Variants in SINHCAF observed in about 807,000 individuals in gnomAD.
The protein encoded by SINHCAF is SIN3-HDAC complex associated factor, also known as SIN3-HDAC complex-associated factor.
Under a neutral mutation model 25.8 loss-of-function variants are expected in SINHCAF, and 3 were observed. The observed-to-expected ratio is 0.12, with a 90% CI of 0.05 to 0.30. The LOEUF is 0.30. Among genes scored for constraint, SINHCAF ranks in the 10% least tolerant of loss-of-function variants. The probability of loss-of-function intolerance (pLI) is 1.00; values close to 1 mark genes in which losing one functional copy is unlikely to be tolerated. For missense variants in SINHCAF, 121 were observed against 262.3 expected, an observed-to-expected ratio of 0.46 and a Z score of 3.72; for synonymous variants, 70 against 85.5, an observed-to-expected ratio of 0.82 and a Z score of 1.00.
intron 4 of SINHCAF, among the ~76,000 whole-genome samples, chr12:31,291,002 A>C (rs1938288235): frequency 6.6e-6 from 1 of 152,202 alleles, no homozygotes; most frequent in Non-Finnish European, 1.5e-5. Context: ...TAGAGGTGTA[A>C]GCCTCCATGC....
intron 1 of SINHCAF, among the ~76,000 whole-genome samples, chr12:31,298,983 C>T (rs1938661723): frequency 6.6e-6 from 1 of 151,228 alleles, no homozygotes; most frequent in South Asian, 2.1e-4. Flanking sequence ...AGAGTAGTAA[C>T]AGTGGGAGGC....
intron 1 of SINHCAF, among the ~76,000 whole-genome samples, chr12:31,316,409 G>A (rs542773206): frequency 7.9e-5 from 12 of 152,136 alleles, no homozygotes; most frequent in African/African-American, 2.9e-4. Flanking sequence ...TAAAGCTGTG[G>A]GTTTCATATA....
At chr12:31,313,946 C>T (rs781165785) in intron 1 of SINHCAF, among the ~76,000 whole-genome samples, 3 of 152,032 alleles carry the variant, frequency 2.0e-5, no homozygotes, top group Non-Finnish European at 2.9e-5. Context: ...TGAGCCACCA[C>T]GCCCGGCCAA....
chr12:31,316,595 AC>A (rs1939504359), intron 1 of SINHCAF, among the ~76,000 whole-genome samples: 1 of 152,236 alleles, frequency 6.6e-6, no homozygotes, highest in Non-Finnish European at 1.5e-5. Flanking sequence ...ATCTAATTAA[AC>A]ACATAAGTTT....
intron 1 of SINHCAF, among the ~76,000 whole-genome samples, chr12:31,301,756 C>CA (rs147217124): frequency 0.02 from 2,857 of 143,740 alleles, 90 homozygotes; most frequent in African/African-American, 0.062. Context: ...AAAAAAACAA[C>CA]AAAAAAAAAA....
intron 2 of SINHCAF, among the ~76,000 whole-genome samples, chr12:31,295,979 G>A (rs952594430): frequency 2.0e-5 from 3 of 151,676 alleles, no homozygotes; most frequent in Admixed American, 6.6e-5. Context: ...GCAGGAGTTC[G>A]AGACCAGCCT....
chr12:31,302,438 A>G (rs986062670), intron 1 of SINHCAF, among the ~76,000 whole-genome samples: 2 of 150,586 alleles, frequency 1.3e-5, no homozygotes, highest in African/African-American at 4.9e-5. Flanking sequence ...ACTTGTCTTT[A>G]TCATCTTTGT....
Position 31,317,844 on chromosome 12 carries a change from G to A in SINHCAF, c.-21+8180C>T, listed in dbSNP as rs371145628. On this transcript the variant is annotated intron_variant, in intron 1 of 5. Transcript: ENST00000337682. ...AGGAAACTGCAGACAGGAGACAAGC[G>A]AAAGATTTGTAAAGTGGGAAGGAAG... Among the ~76,000 whole-genome samples, 106 of 152,216 alleles carry A rather than the reference G, an allele frequency of 7.0e-4. 1 individual carries two copies. The highest frequency in any genetic ancestry group is 9.3e-4 in the Non-Finnish European group (63 of 68,014).
Position 31,325,483 on chromosome 12 carries a change from G to C in SINHCAF, c.-21+541C>G. ...GGAAGCGGATGGCAACTTAGTTTCCGAGCGAATGGCGTTTATTGTCCACCC... is the reference window on the plus strand; with the variant it reads ...GGAAGCGGATGGCAACTTAGTTTCCCAGCGAATGGCGTTTATTGTCCACCC... On this transcript the variant is annotated intron_variant, in intron 1 of 5. Transcript: ENST00000337682. The surrounding 1 kb of genome is among the most constrained non-coding windows in gnomAD (Gnocchi z 5.9). The C allele has an allele frequency of 2.9e-6, 1 of 345,724 alleles. No homozygotes were observed. The highest frequency in any genetic ancestry group is 5.7e-6 in the Non-Finnish European group (1 of 173,928). The allele number at this position is 345,724 out of a possible 1,614,324, so 21.4% of individuals were successfully genotyped here. A position where few individuals can be genotyped will look rare whatever the true frequency, so the allele number is the denominator to read the frequency against.
chr12:31,305,638 T>G (rs947117008), intron 1 of SINHCAF, among the ~76,000 whole-genome samples: 6 of 152,034 alleles, frequency 3.9e-5, no homozygotes, highest in Admixed American at 3.3e-4. Flanking sequence ...TGTTCCATTC[T>G]ACCAATCCAG....
At chr12:31,313,027 C>A (rs1438248463) in intron 1 of SINHCAF, among the ~76,000 whole-genome samples, 1 of 152,030 alleles carries the variant, frequency 6.6e-6, no homozygotes, top group Non-Finnish European at 1.5e-5. Flanking sequence ...AAAGATCACT[C>A]TTTTCTTTTT....
rs568064368 is a variant in SINHCAF at position 31,299,322 on chromosome 12, T to TATTA, written c.-20-1099_-20-1098insTAAT. Among the ~76,000 whole-genome samples the TATTA allele has an allele frequency of 2.7e-3, 407 of 148,736 alleles. 1 individual carries two copies. Among genetic ancestry groups the TATTA allele is most frequent in the African/African-American group, 9.5e-3 (381 of 40,308 alleles). Reference sequence around the variant, plus strand: ...TAAAGCAACAATAAAAGAAAAAAATTTTTTTTTTTTTGGAGACAGAGTCTC... The same window carrying TATTA: ...TAAAGCAACAATAAAAGAAAAAAATTATTATTTTTTTTTTTGGAGACAGAGTCTC... On this transcript the variant is annotated intron_variant, in intron 1 of 5. Coordinates refer to ENST00000337682, the MANE Select transcript of SINHCAF (RefSeq NM_001135812.2).
intron 5 of SINHCAF, among the ~76,000 whole-genome samples, chr12:31,283,341 A>C (rs1418080455): frequency 6.6e-6 from 1 of 152,074 alleles, no homozygotes; most frequent in Non-Finnish European, 1.5e-5. Flanking sequence ...GGTGGCTTAC[A>C]CCTGTAATCC....
intron 1 of SINHCAF, among the ~76,000 whole-genome samples, chr12:31,323,630 C>T (rs1031670312): frequency 1.3e-5 from 2 of 152,280 alleles, no homozygotes; most frequent in African/African-American, 4.8e-5. Context: ...ACAAACTGCA[C>T]CGCCCTACCA....
At position 31,316,714 on chromosome 12, in the gene SINHCAF, C is replaced by A. The variant is rs143501490; in HGVS notation, c.-21+9310G>T. Among the ~76,000 whole-genome samples the A allele has an allele frequency of 6.0e-3, 921 of 152,266 alleles. 13 individuals carry two copies. Among genetic ancestry groups the A allele is most frequent in the African/African-American group, 0.021 (874 of 41,556 alleles). ...TCTGATAAATAAGATTAAAGATTAT[C>A]TCTTATAAATCTCAGCAATACTAAA... On this transcript the variant is annotated intron_variant, in intron 1 of 5. Transcript: ENST00000337682.
At chr12:31,301,628 G>A (rs17421687) in intron 1 of SINHCAF, among the ~76,000 whole-genome samples, 5,293 of 152,090 alleles carry the variant, frequency 0.035, 142 homozygotes, top group Non-Finnish European at 0.058. Context: ...GTTTCATTTC[G>A]GGCTTTGTTT....
chr12:31,303,160 GCA>G (rs1205150162), intron 1 of SINHCAF: 1 of 985,272 alleles, frequency 1.0e-6, no homozygotes, highest in Non-Finnish European at 1.2e-6. Flanking sequence ...AGCTGCCTTT[GCA>G]CGTACACATT....
At chr12:31,302,993 A>C (rs1938869593) in intron 1 of SINHCAF, 1 of 985,236 alleles carries the variant, frequency 1.0e-6, no homozygotes, top group African/African-American at 1.7e-5. Context: ...TTCTTCTGAC[A>C]CTATCATCAA....
chr12:31,284,157 C>T (rs1329653578), intron 5 of SINHCAF, among the ~76,000 whole-genome samples: 2 of 152,164 alleles, frequency 1.3e-5, no homozygotes, highest in African/African-American at 2.4e-5. Flanking sequence ...ACTATTTACA[C>T]CTATAACTGA....
Sources: allele counts gnomAD v4.1 joint callset (sites outside exome capture counted in the v4.1 genomes callset), GRCh38; gene constraint gnomAD v4.1.1; non-coding constraint Gnocchi (gnomAD v3.1); transcripts MANE v1.5; gene names NCBI Gene and HGNC (gene_info 2026-07-23, HGNC 2026-07-21).